Variants in CLVS1 observed in about 807,000 individuals in gnomAD.
CLVS1 encodes the protein clavesin-1.
A neutral mutation model predicts 33.1 loss-of-function variants in CLVS1; 10 were observed. That is an observed-to-expected ratio of 0.30 (90% CI 0.19 to 0.51). The LOEUF is 0.51. Among genes scored for constraint, CLVS1 ranks in the 20% least tolerant of loss-of-function variants. CLVS1 has a pLI of 0.97. For synonymous variants in CLVS1, 163 were observed against 166.1 expected, an observed-to-expected ratio of 0.98 and a Z score of 0.14; for missense variants, 343 against 433.4, an observed-to-expected ratio of 0.79 and a Z score of 1.85.
intron 1 of CLVS1, among the ~76,000 whole-genome samples, chr8:61,290,062 G>T (rs1397779043): frequency 2.6e-5 from 4 of 152,172 alleles, no homozygotes; most frequent in Non-Finnish European, 5.9e-5. Context: ...TCCCTTTTCT[G>T]TCTGTAAAGA....
intron 1 of CLVS1, among the ~76,000 whole-genome samples, chr8:61,098,402 G>GATATATATATATATATAT (rs59671943): frequency 6.9e-6 from 1 of 143,968 alleles, no homozygotes; most frequent in African/African-American, 2.6e-5. Context: ...TAGGGAAACT[G>GATATATATATATATATAT]ATATATATAT....
At chr8:61,144,845 C>T (rs566924823) in intron 2 of CLVS1, among the ~76,000 whole-genome samples, 7 of 152,250 alleles carry the variant, frequency 4.6e-5, no homozygotes, top group Non-Finnish European at 8.8e-5. Context: ...TTCTTCTGCC[C>T]CAGCCTCCCC....
At chr8:61,120,947 C>T (rs897822425) in intron 1 of CLVS1, among the ~76,000 whole-genome samples, 1 of 149,116 alleles carries the variant, frequency 6.7e-6, no homozygotes, top group African/African-American at 2.5e-5. Flanking sequence ...CAAGCCTGGG[C>T]AATGGCGGGT....
intron 1 of CLVS1, among the ~76,000 whole-genome samples, chr8:61,064,714 T>A (rs920702934): frequency 6.6e-6 from 1 of 150,776 alleles, no homozygotes; most frequent in African/African-American, 2.4e-5. Context: ...CTAATTTTTT[T>A]TTTTTGAGAT....
At chr8:61,172,432 C>G (rs1807021502) in intron 2 of CLVS1, among the ~76,000 whole-genome samples, 1 of 152,140 alleles carries the variant, frequency 6.6e-6, no homozygotes, top group Admixed American at 6.5e-5. Flanking sequence ...TTCTCTTTCT[C>G]ACTTTTCTTT....
chr8:61,477,369 G>C (rs2129608001), intron 5 of CLVS1, among the ~76,000 whole-genome samples: 1 of 152,196 alleles, frequency 6.6e-6, no homozygotes, highest in East Asian at 1.9e-4. Flanking sequence ...GTTTCAGAAG[G>C]AATGGTACCA....
intron 5 of CLVS1, among the ~76,000 whole-genome samples, chr8:61,475,121 T>G (rs1586026684): frequency 1.3e-5 from 2 of 152,236 alleles, no homozygotes; most frequent in South Asian, 4.1e-4. Flanking sequence ...ACAAAGGACA[T>G]GAACTCATCA....
At chr8:61,425,590 C>T (rs1323803717) in intron 3 of CLVS1, among the ~76,000 whole-genome samples, 1 of 152,188 alleles carries the variant, frequency 6.6e-6, no homozygotes, top group Non-Finnish European at 1.5e-5. Flanking sequence ...AAACCTGTGA[C>T]CATTAGCAGT....
chr8:61,207,998 G>A (rs538184841), intron 2 of CLVS1, among the ~76,000 whole-genome samples: 5 of 152,308 alleles, frequency 3.3e-5, no homozygotes, highest in Admixed American at 1.3e-4. Context: ...AGATAAAAGC[G>A]AGGAGCAAAT....
At chr8:61,185,193 G>C (rs1425303445) in intron 2 of CLVS1, among the ~76,000 whole-genome samples, 32 of 151,518 alleles carry the variant, frequency 2.1e-4, no homozygotes, top group Admixed American at 2.0e-3. Context: ...AGCCAGGCTA[G>C]AGTGCAGTGG....
At position 61,500,724 on chromosome 8, in the gene CLVS1, AG is replaced by A. The variant is rs1804711228; in HGVS notation, c.*1183del. ...ATTTTTAGACATCTCTTATTCGCCC[AG>A]CCATCTGCATGACATGGGTATTTAT... On this transcript the variant is annotated 3_prime_UTR_variant, in exon 6 of 6. Coordinates refer to ENST00000325897, the MANE Select transcript of CLVS1 (RefSeq NM_173519.3). 1 of 152,232 alleles carries A rather than the reference AG, an allele frequency of 6.6e-6. No homozygotes were observed. The highest frequency in any genetic ancestry group is 1.5e-5 in the Non-Finnish European group (1 of 68,042). The allele number at this position is 152,232 out of a possible 1,614,324, so 9.4% of individuals were successfully genotyped here. A position where few individuals can be genotyped will look rare whatever the true frequency, so the allele number is the denominator to read the frequency against.
At chr8:60,998,658 T>A in the CLVS1 span, among the ~76,000 whole-genome samples, 1 of 152,308 alleles carries the variant, frequency 6.6e-6, no homozygotes, top group East Asian at 1.9e-4. Flanking sequence ...TTTCTGCTAT[T>A]TGGGTTTGTT....
At chr8:61,423,767 A>T (rs1276176082) in intron 3 of CLVS1, among the ~76,000 whole-genome samples, 1 of 152,202 alleles carries the variant, frequency 6.6e-6, no homozygotes, top group African/African-American at 2.4e-5. Context: ...AAGTCTACTT[A>T]TTGGCCACCA....
upstream of CLVS1, among the ~76,000 whole-genome samples, chr8:61,287,207 T>G (rs967220117): frequency 1.3e-5 from 2 of 152,208 alleles, no homozygotes; most frequent in African/African-American, 4.8e-5. Flanking sequence ...ATTTAAAACT[T>G]CAGCCCAAAC....
At chr8:61,432,090 A>G (rs1294404515) in intron 3 of CLVS1, among the ~76,000 whole-genome samples, 1 of 152,230 alleles carries the variant, frequency 6.6e-6, no homozygotes, top group Non-Finnish European at 1.5e-5. Flanking sequence ...TCAATGTGCA[A>G]TGCTCATCTA....
chr8:60,976,823 G>A, the CLVS1 span, among the ~76,000 whole-genome samples: 10 of 152,316 alleles, frequency 6.6e-5, no homozygotes, highest in African/African-American at 9.6e-5. Flanking sequence ...GCTTTCTGCC[G>A]CCCAGTGGGG....
intron 1 of CLVS1, among the ~76,000 whole-genome samples, chr8:61,122,195 T>G (rs1008971060): frequency 3.3e-5 from 5 of 152,192 alleles, no homozygotes; most frequent in African/African-American, 1.2e-4. Flanking sequence ...TGCCTCTGCT[T>G]ATAAGTACAG....
chr8:61,023,094 A>G, the CLVS1 span, among the ~76,000 whole-genome samples: 1 of 152,240 alleles, frequency 6.6e-6, no homozygotes, highest in African/African-American at 2.4e-5. Context: ...TAAAAAATTT[A>G]GGGAGGAAAA....
At chr8:61,121,133 T>G (rs1360232382) in intron 1 of CLVS1, among the ~76,000 whole-genome samples, 1 of 151,858 alleles carries the variant, frequency 6.6e-6, no homozygotes, top group Non-Finnish European at 1.5e-5. Context: ...GTGACCCGAT[T>G]TTCCAGGTGC....
Sources: allele counts gnomAD v4.1 joint callset (sites outside exome capture counted in the v4.1 genomes callset), GRCh38; gene constraint gnomAD v4.1.1; transcripts MANE v1.5; gene names NCBI Gene and HGNC (gene_info 2026-07-23, HGNC 2026-07-21).